The following DCDC1 variants were observed in gnomAD, a reference collection of about 807,000 sequenced individuals.
DCDC1 encodes doublecortin domain-containing protein 1.
A neutral mutation model predicts 178.3 loss-of-function variants in DCDC1; 200 were observed. The ratio of observed to expected loss-of-function variants is 1.12; its 90% confidence interval spans 1.00 to 1.26. The LOEUF is 1.26. Ranked by LOEUF, DCDC1 falls within the 50% of genes most tolerant of loss-of-function variation. The pLI, the probability that DCDC1 is intolerant of heterozygous loss-of-function variation, is 0.00. For synonymous variants in DCDC1, 690 were observed against 604.8 expected (o/e 1.14, Z -2.07); for missense variants, 1,983 against 1,749.2 (o/e 1.13, Z -2.38).
At chr11:31,011,008 T>C (rs992516585) in intron 20 of DCDC1, among the ~76,000 whole-genome samples, 5 of 152,134 alleles carry the variant, frequency 3.3e-5, no homozygotes, top group Admixed American at 2.6e-4. Flanking sequence ...TGGAAAATAA[T>C]GCACTCATGA....
At chr11:30,914,741 C>A (rs1315878228) in intron 27 of DCDC1, among the ~76,000 whole-genome samples, 2 of 151,046 alleles carry the variant, frequency 1.3e-5, no homozygotes, top group African/African-American at 4.9e-5. Flanking sequence ...TTCCCCTCAA[C>A]TTTTAAAATT....
chr11:30,903,594 AC>A lies in DCDC1; in HGVS notation c.4397del (p.Arg1466LeufsTer8). On this transcript the variant is annotated frameshift_variant, in exon 32 of 39. Coordinates refer to ENST00000684477, the MANE Select transcript of DCDC1 (RefSeq NM_001387274.1). LOFTEE classifies it high-confidence loss of function. ...CATCTAGAGCCCATAAAACCAAATCACGCAAGGTAAAGATTGGGGTTCCATC... is the reference window on the plus strand; with the variant it reads ...CATCTAGAGCCCATAAAACCAAATCAGCAAGGTAAAGATTGGGGTTCCATC... ...TKDGTPIFTL[R>X]DLVLWALDES... 1 of 1,610,716 alleles carries A rather than the reference AC, an allele frequency of 6.2e-7. No homozygotes were observed. The highest frequency in any genetic ancestry group is 8.5e-7 in the Non-Finnish European group (1 of 1,178,432).
intron 30 of DCDC1, among the ~76,000 whole-genome samples, chr11:30,905,639 A>G (rs907053559): frequency 6.6e-6 from 1 of 152,110 alleles, no homozygotes; most frequent in African/African-American, 2.4e-5. Flanking sequence ...TTCCCTTTTC[A>G]TCCCAACCTA....
At chr11:31,051,581 C>T (rs1213650466) in intron 20 of DCDC1, among the ~76,000 whole-genome samples, 2 of 152,104 alleles carry the variant, frequency 1.3e-5, no homozygotes, top group African/African-American at 2.4e-5. Flanking sequence ...GGCAGAAGCA[C>T]CAGGTAACCT....
At position 31,250,421 on chromosome 11, in the gene DCDC1, C is replaced by CATATACATATATATATATATATATATAT. The variant is rs1943920511; in HGVS notation, c.1055-8806_1055-8805insATATATATATATATATATATATGTATAT. On this transcript the variant is annotated intron_variant, in intron 8 of 38. Transcript: ENST00000684477. ...ACACACACACACACACACACATATA[C>CATATACATATATATATATATATATATAT]ATATATATGTATATATATATATATC... 2.0e-3 allele frequency among the ~76,000 whole-genome samples: 107 copies of CATATACATATATATATATATATATATAT among 52,872 alleles called. 4 individuals are homozygous for CATATACATATATATATATATATATATAT. Among genetic ancestry groups the CATATACATATATATATATATATATATAT allele is most frequent in the African/African-American group, 5.2e-3 (101 of 19,574 alleles). 34.7% of individuals were successfully genotyped at this position (52,872 alleles called of 152,430 possible). A position where few individuals can be genotyped will look rare whatever the true frequency, so the allele number is the denominator to read the frequency against.
intron 20 of DCDC1, among the ~76,000 whole-genome samples, chr11:30,962,509 T>C (rs1387481359): frequency 6.6e-6 from 1 of 152,088 alleles, no homozygotes; most frequent in African/African-American, 2.4e-5. Flanking sequence ...TATTTCATCA[T>C]AATTTCCATA....
chr11:31,315,662 T>TTTA (rs1949056928), intron 3 of DCDC1, among the ~76,000 whole-genome samples: 1 of 147,304 alleles, frequency 6.8e-6, no homozygotes, highest in Non-Finnish European at 1.5e-5. Context: ...TTTTTTTTTT[T>TTTA]TTTTTATTAA....
intron 17 of DCDC1, among the ~76,000 whole-genome samples, chr11:31,082,522 G>A (rs1305556739): frequency 1.3e-5 from 2 of 151,900 alleles, no homozygotes; most frequent in East Asian, 3.9e-4. Context: ...TGTCTATATA[G>A]GTAATATAGA....
intron 9 of DCDC1, among the ~76,000 whole-genome samples, chr11:31,143,452 G>A (rs208107): frequency 0.59 from 90,287 of 151,884 alleles, 27,262 homozygotes; most frequent in East Asian, 0.93. Flanking sequence ...CCAATCAGCT[G>A]AAGTAGTAGA....
At chr11:31,066,594 T>A (rs1956266185) in intron 18 of DCDC1, among the ~76,000 whole-genome samples, 1 of 152,172 alleles carries the variant, frequency 6.6e-6, no homozygotes, top group South Asian at 2.1e-4. Context: ...AGATGTAATG[T>A]AAATATGTAT....
At chr11:31,061,929 T>A (rs1260257672) in intron 20 of DCDC1, among the ~76,000 whole-genome samples, 1 of 152,096 alleles carries the variant, frequency 6.6e-6, no homozygotes, top group Non-Finnish European at 1.5e-5. Context: ...ACTATATTCC[T>A]TTCTTCCAAA....
intron 9 of DCDC1, among the ~76,000 whole-genome samples, chr11:31,201,639 A>G (rs949349179): frequency 1.3e-5 from 2 of 152,186 alleles, no homozygotes; most frequent in East Asian, 1.9e-4. Flanking sequence ...TGCCCAAACT[A>G]AAAAACAAGA....
At chr11:31,148,210 TAAA>T (rs55829692) in intron 9 of DCDC1, among the ~76,000 whole-genome samples, 25 of 95,668 alleles carry the variant, frequency 2.6e-4, no homozygotes, top group South Asian at 3.7e-4. Flanking sequence ...TTTATTATTA[TAAA>T]AAAAAAAAAA....
chr11:31,157,531 A>G (rs1965859878), intron 9 of DCDC1, among the ~76,000 whole-genome samples: 1 of 151,818 alleles, frequency 6.6e-6, no homozygotes, highest in Non-Finnish European at 1.5e-5. Flanking sequence ...ATTCTGATAT[A>G]TGCTAAACAT....
chr11:30,975,086 T>G (rs1357986101), intron 20 of DCDC1, among the ~76,000 whole-genome samples: 3 of 152,048 alleles, frequency 2.0e-5, no homozygotes, highest in African/African-American at 7.2e-5. Context: ...ATCAATAAAT[T>G]TGATAAAATA....
At position 31,290,648 on chromosome 11, in the gene DCDC1, T is replaced by G; in HGVS notation, c.959A>C (p.Lys320Thr). ...GTTCAATATTTAATTAAAAATTACC[T>G]TTTTCATTGTTTCTTTTCCCACTGT... ...EITVGKETMK[K>T]VLDTCTIRMN... Residue 320 changes from lysine to threonine, a missense_variant and splice_region_variant, in exon 7 of 39, where the codon AAG (lysine) becomes ACG (threonine). Coordinates refer to ENST00000684477, the MANE Select transcript of DCDC1 (RefSeq NM_001387274.1). The G allele has an allele frequency of 6.3e-7, 1 of 1,597,032 alleles. No homozygotes were observed. The highest frequency in any genetic ancestry group is 8.5e-7 in the Non-Finnish European group (1 of 1,175,392).
In DCDC1 at chr11:30,900,427, C is replaced by G. The variant is rs138898915; in HGVS notation, c.4582G>C (p.Asp1528His). The change falls in exon 33 of 39, where the codon GAC becomes CAC. Residue 1528 changes from aspartate (D) to histidine (H), a missense_variant. Transcript: ENST00000684477. ...SVTSDSLDGI[D>H]KSLLTLILRN... ...AGGATGAGGGTAAGCAAAGACTTGT[C>G]TATACCATCCAAACTATCGGATGTC... 1 of 1,577,400 alleles carries G rather than the reference C, an allele frequency of 6.3e-7. No homozygotes were observed. Among genetic ancestry groups the G allele is most frequent in the African/African-American group, 1.4e-5 (1 of 74,068 alleles).
At chr11:31,073,485 G>A (rs1044557170) in intron 18 of DCDC1, among the ~76,000 whole-genome samples, 4 of 152,120 alleles carry the variant, frequency 2.6e-5, no homozygotes, top group Admixed American at 2.6e-4. Context: ...ATGTTCTTGG[G>A]TAATATGAGT....
intron 20 of DCDC1, among the ~76,000 whole-genome samples, chr11:31,034,297 T>TA (rs34691508): frequency 0.53 from 80,872 of 151,836 alleles, 22,647 homozygotes; most frequent in African/African-American, 0.72. Context: ...GTTCATAAAG[T>TA]AAAAAAGTTA....
Sources: allele counts gnomAD v4.1 joint callset (sites outside exome capture counted in the v4.1 genomes callset), GRCh38; gene constraint gnomAD v4.1.1; transcripts MANE v1.5; gene names NCBI Gene and HGNC (gene_info 2026-07-23, HGNC 2026-07-21).